The following RPA3 variants were observed in gnomAD, a reference collection of about 807,000 sequenced individuals.
RPA3 encodes the protein replication protein A 14 kDa subunit.
Under a neutral mutation model 13.7 loss-of-function variants are expected in RPA3, and 24 were observed. That is an observed-to-expected ratio of 1.75 (90% confidence interval 1.27 to 2.46). RPA3 has a LOEUF of 2.46. Ranked by LOEUF, RPA3 falls within the 30% of genes most tolerant of loss-of-function variation. RPA3 has a pLI of 0.00. For missense variants in RPA3, 183 were observed against 151.0 expected (o/e 1.21, Z -1.11); for synonymous variants, 59 against 51.2 (o/e 1.15, Z -0.65).
rs533895557 is a variant in RPA3 at position 7,682,416 on chromosome 7, A to T, written c.-758+3414T>A. Among the ~76,000 whole-genome samples, 5 of 152,186 alleles carry T rather than the reference A, an allele frequency of 3.3e-5. No homozygotes were observed. The South Asian group carries it at 1.0e-3, about 32-fold the overall frequency. On this transcript the variant is annotated intron_variant, in intron 4 of 7. Transcript: ENST00000223129. ...TCTGGGAACCAAACCACATATACAT[A>T]CTTCATTTAAACTATCATATTTTTA... is the stretch of plus-strand genomic sequence containing the variant.
chr7:7,656,391 C>T (rs189191172), intron 4 of RPA3, among the ~76,000 whole-genome samples: 156 of 152,074 alleles, frequency 1.0e-3, no homozygotes, highest in African/African-American at 3.4e-3. Flanking sequence ...TAGGTATACA[C>T]GTGCCATGGT....
chr7:7,653,127 T>C (rs1785260855), intron 4 of RPA3, among the ~76,000 whole-genome samples: 1 of 152,240 alleles, frequency 6.6e-6, no homozygotes, highest in Non-Finnish European at 1.5e-5. Context: ...TAGAGTTGTC[T>C]GAATTCTTTT....
intron 4 of RPA3, among the ~76,000 whole-genome samples, chr7:7,643,215 C>G (rs1785014896): frequency 2.0e-5 from 3 of 152,172 alleles, no homozygotes; most frequent in Non-Finnish European, 4.4e-5. Flanking sequence ...GAGGGAGAAA[C>G]AGCTTCCTGG....
intron 4 of RPA3, among the ~76,000 whole-genome samples, chr7:7,661,906 C>T (rs1358455119): frequency 6.6e-6 from 1 of 152,218 alleles, no homozygotes; most frequent in African/African-American, 2.4e-5. Flanking sequence ...GCTGCACCCA[C>T]AGCTGCCCCT....
intron 2 of RPA3, among the ~76,000 whole-genome samples, 153 bp downstream of exon 2, chr7:7,715,022 A>G (rs895019850): frequency 1.3e-5 from 2 of 151,986 alleles, no homozygotes; most frequent in African/African-American, 4.8e-5. Context: ...GAACTAACCA[A>G]CTGCAGTTTT....
At chr7:7,654,705 C>G (rs541440059) in intron 4 of RPA3, among the ~76,000 whole-genome samples, 21 of 152,180 alleles carry the variant, frequency 1.4e-4, no homozygotes, top group African/African-American at 5.1e-4. Context: ...GAGTTCGAGA[C>G]CAGCCTGGCC....
chr7:7,685,237 A>G (rs188863721), intron 4 of RPA3, among the ~76,000 whole-genome samples: 3 of 151,810 alleles, frequency 2.0e-5, no homozygotes, highest in Admixed American at 2.0e-4. Flanking sequence ...CATATTGAGC[A>G]TCTGTTTTTT....
chr7:7,704,766 CAAAAAAAAAAAAAA>C (rs71011001), intron 2 of RPA3, among the ~76,000 whole-genome samples: 1 of 17,826 alleles, frequency 5.6e-5, no homozygotes, highest in African/African-American at 2.1e-4. Flanking sequence ...GACTCCATCT[CAAAAAAAAAAAAAA>C]AAAAAAAAAA....
intron 4 of RPA3, among the ~76,000 whole-genome samples, chr7:7,654,820 C>G (rs1785303760): frequency 6.6e-6 from 1 of 150,714 alleles, no homozygotes; most frequent in African/African-American, 2.4e-5. Flanking sequence ...AGGAGAATCG[C>G]TTGAACCTGG....
intron 2 of RPA3, among the ~76,000 whole-genome samples, chr7:7,707,174 C>T (rs1217925838): frequency 6.6e-6 from 1 of 152,090 alleles, no homozygotes; most frequent in Non-Finnish European, 1.5e-5. Context: ...CAGGCAAAAT[C>T]AGTTTTTACA....
Position 7,657,824 on chromosome 7 carries a change from A to G in RPA3, c.-757-16649T>C, listed in dbSNP as rs186934388. Among the ~76,000 whole-genome samples, 785 of 152,318 alleles carry G rather than the reference A, an allele frequency of 5.2e-3. 8 individuals carry two copies. Among genetic ancestry groups the G allele is most frequent in the African/African-American group, 0.018 (757 of 41,576 alleles). On this transcript the variant is annotated intron_variant, in intron 4 of 7. Transcript: ENST00000223129. ...TATTTTGGTTCTATGTGAAATTTAA[A>G]GTAGTTTTTTCTAATTCTGTGAAGA... is the stretch of plus-strand genomic sequence containing the variant.
rs1784949957 is a variant in RPA3 at position 7,640,784 on chromosome 7, G to C, written c.-366C>G. On this transcript the variant is annotated 5_prime_UTR_variant, in exon 5 of 8. Transcript: ENST00000223129. ...CCCCGGAAGTGGGGTGTGAAGCTCCGGTGCTGGTGCGGCGGGGGACTGCGG... is the reference window on the plus strand; with the variant it reads ...CCCCGGAAGTGGGGTGTGAAGCTCCCGTGCTGGTGCGGCGGGGGACTGCGG... 1 of 216,996 alleles carries C rather than the reference G, an allele frequency of 4.6e-6. No individual in the cohort carries two copies. Among genetic ancestry groups the C allele is most frequent in the Non-Finnish European group, 9.4e-6 (1 of 106,436 alleles). The allele number at this position is 216,996 out of a possible 1,614,324, so 13.4% of individuals were successfully genotyped here.
chr7:7,665,585 G>C (rs2115097044), intron 4 of RPA3, among the ~76,000 whole-genome samples: 1 of 152,136 alleles, frequency 6.6e-6, no homozygotes, highest in East Asian at 1.9e-4. Flanking sequence ...GTTTTGATGT[G>C]TGCTTATACT....
At chr7:7,714,064 AAT>A (rs1780831419) in intron 2 of RPA3, among the ~76,000 whole-genome samples, 2 of 152,216 alleles carry the variant, frequency 1.3e-5, no homozygotes, top group African/African-American at 4.8e-5. Context: ...GATTTCCAAA[AAT>A]TGAGTTTTTT....
intron 7 of RPA3, 80 bp from the exon 8 acceptor site, chr7:7,637,162 A>G (rs1784879286): frequency 2.8e-6 from 3 of 1,052,758 alleles, no homozygotes; most frequent in Middle Eastern, 2.0e-4. Context: ...ATTTTTACCT[A>G]TTTCCTTTTT....
chr7:7,657,574 C>T (rs1159477563), intron 4 of RPA3, among the ~76,000 whole-genome samples: 3 of 152,046 alleles, frequency 2.0e-5, no homozygotes, highest in African/African-American at 4.8e-5. Flanking sequence ...TAGGGAGTCC[C>T]TTCCCCATGC....
chr7:7,641,866 C>A (rs377217084), intron 4 of RPA3, among the ~76,000 whole-genome samples: 2 of 152,132 alleles, frequency 1.3e-5, no homozygotes, highest in African/African-American at 4.8e-5. Flanking sequence ...ATTGGAATCT[C>A]ATGTACGATA....
chr7:7,654,976 T>C (rs975119003), intron 4 of RPA3, among the ~76,000 whole-genome samples: 1 of 152,122 alleles, frequency 6.6e-6, no homozygotes, highest in Non-Finnish European at 1.5e-5. Flanking sequence ...TTTTGCTTCA[T>C]AGTAGGATTG....
At chr7:7,689,497 C>G (rs956702249) in intron 2 of RPA3, 3 of 152,126 alleles carry the variant, frequency 2.0e-5, no homozygotes, top group East Asian at 1.9e-4. Flanking sequence ...GTTTAAGCCA[C>G]TTTTAGCTAG....
Sources: allele counts gnomAD v4.1 joint callset (sites outside exome capture counted in the v4.1 genomes callset), GRCh38; gene constraint gnomAD v4.1.1; transcripts MANE v1.5; gene names NCBI Gene and HGNC (gene_info 2026-07-23, HGNC 2026-07-21).